The following PCDH15 variants were observed in gnomAD, a reference collection of about 807,000 sequenced individuals.
PCDH15 encodes protocadherin-15.
A neutral mutation model predicts 178.5 loss-of-function variants in PCDH15; 129 were observed. That is an observed-to-expected ratio of 0.72 (90% CI 0.63 to 0.84). The LOEUF is 0.84. Ranked by LOEUF, PCDH15 falls within the 40% of genes least tolerant of loss-of-function variation. The pLI is 0.00. For synonymous variants in PCDH15, 800 were observed against 732.0 expected, an observed-to-expected ratio of 1.09 and a Z score of -1.50; for missense variants, 2,230 against 2,099.9, an observed-to-expected ratio of 1.06 and a Z score of -1.21.
intron 27 of PCDH15, among the ~76,000 whole-genome samples, chr10:53,858,210 T>G (rs1309740188): frequency 6.6e-6 from 1 of 152,086 alleles, no homozygotes; most frequent in East Asian, 1.9e-4. Context: ...AATTGAACAC[T>G]CTGAGTTAGG....
At chr10:54,413,530 T>A (rs1470672747) in intron 3 of PCDH15, among the ~76,000 whole-genome samples, 1 of 152,150 alleles carries the variant, frequency 6.6e-6, no homozygotes, top group Non-Finnish European at 1.5e-5. Context: ...CAAGTATAAA[T>A]ATGATAAAAA....
intron 8 of PCDH15, among the ~76,000 whole-genome samples, chr10:54,244,917 T>G (rs1232337022): frequency 6.6e-6 from 1 of 152,218 alleles, no homozygotes; most frequent in Non-Finnish European, 1.5e-5. Flanking sequence ...ATAATTTTAG[T>G]CTCATTAAAT....
At chr10:55,525,662 C>G (rs1463345717) in intron 2 of PCDH15, among the ~76,000 whole-genome samples, 1 of 151,858 alleles carries the variant, frequency 6.6e-6, no homozygotes, top group Non-Finnish European at 1.5e-5. Context: ...TCTAAACTTC[C>G]AAAACCCAAA....
At chr10:55,421,927 A>C (rs1838631277) in intron 2 of PCDH15, among the ~76,000 whole-genome samples, 1 of 151,774 alleles carries the variant, frequency 6.6e-6, no homozygotes, top group Non-Finnish European at 1.5e-5. Context: ...CTATTAGCCC[A>C]GTCAATTAGC....
At chr10:55,541,464 C>T (rs544147148) in intron 2 of PCDH15, among the ~76,000 whole-genome samples, 4 of 152,026 alleles carry the variant, frequency 2.6e-5, no homozygotes, top group African/African-American at 9.6e-5. Flanking sequence ...TAAGCATTCA[C>T]TAAGATATCT....
chr10:53,819,589 T>TAACAATA (rs1383381303), intron 33 of PCDH15, among the ~76,000 whole-genome samples: 1 of 152,044 alleles, frequency 6.6e-6, no homozygotes, highest in Non-Finnish European at 1.5e-5. Context: ...TGTTTACTTT[T>TAACAATA]AACAATAAGG....
At chr10:55,445,868 G>C (rs1262982540) in intron 2 of PCDH15, among the ~76,000 whole-genome samples, 1 of 151,960 alleles carries the variant, frequency 6.6e-6, no homozygotes, top group Non-Finnish European at 1.5e-5. Flanking sequence ...CTTAAGAAAA[G>C]ACTCAAATAA....
At chr10:54,386,986 G>A (rs1365649645) in intron 3 of PCDH15, among the ~76,000 whole-genome samples, 4 of 152,114 alleles carry the variant, frequency 2.6e-5, no homozygotes, top group Admixed American at 1.3e-4. Flanking sequence ...ATTGCTAAGA[G>A]AGTAGATTTT....
chr10:54,545,070 T>A (rs767949807), intron 2 of PCDH15, among the ~76,000 whole-genome samples: 2 of 152,012 alleles, frequency 1.3e-5, no homozygotes, highest in Non-Finnish European at 2.9e-5. Context: ...AGCCCCAGAA[T>A]GGATTAGAAA....
chr10:53,848,794 A>G (rs2078146904), intron 28 of PCDH15, among the ~76,000 whole-genome samples: 1 of 152,024 alleles, frequency 6.6e-6, no homozygotes, highest in Non-Finnish European at 1.5e-5. Flanking sequence ...GCATTAATTA[A>G]TTTTATTTCT....
intron 16 of PCDH15, among the ~76,000 whole-genome samples, chr10:54,085,234 A>G (rs138249035): frequency 5.0e-4 from 76 of 152,242 alleles, no homozygotes; most frequent in African/African-American, 1.8e-3. Context: ...ATTACATGTA[A>G]TGTCAAAACA....
chr10:54,376,763 A>C (rs1221329731), intron 4 of PCDH15, among the ~76,000 whole-genome samples: 2 of 151,982 alleles, frequency 1.3e-5, no homozygotes, highest in Admixed American at 1.3e-4. Context: ...GTATGGAAGC[A>C]TATAGGGACA....
chr10:54,386,223 G>T (rs1228505160), intron 3 of PCDH15, among the ~76,000 whole-genome samples: 1 of 149,620 alleles, frequency 6.7e-6, no homozygotes, highest in African/African-American at 2.5e-5. Context: ...GGCCACACAG[G>T]TAATACACTA....
At chr10:54,325,825 C>A (rs1415573127) in intron 7 of PCDH15, among the ~76,000 whole-genome samples, 1 of 152,048 alleles carries the variant, frequency 6.6e-6, no homozygotes, top group Admixed American at 6.6e-5. Flanking sequence ...ATGAGAATCA[C>A]TTAAACCCCG....
chr10:54,521,300 A>T (rs1189401327), intron 3 of PCDH15, among the ~76,000 whole-genome samples: 1 of 152,186 alleles, frequency 6.6e-6, no homozygotes, highest in Non-Finnish European at 1.5e-5. Context: ...AAGATCCCTC[A>T]TATCTCTAAA....
At chr10:55,173,623 T>C (rs1839401928) in intron 1 of PCDH15, among the ~76,000 whole-genome samples, 1 of 152,130 alleles carries the variant, frequency 6.6e-6, no homozygotes, top group African/African-American at 2.4e-5. Context: ...ATTGTATAAC[T>C]TTTTAGCATA....
intron 1 of PCDH15, among the ~76,000 whole-genome samples, chr10:55,179,168 G>A (rs1326923772): frequency 2.6e-5 from 4 of 151,940 alleles, no homozygotes; most frequent in Non-Finnish European, 5.9e-5. Flanking sequence ...CTTTTTACTG[G>A]GGACCCTTAG....
intron 15 of PCDH15, among the ~76,000 whole-genome samples, chr10:54,104,847 A>AC (rs2094882070): frequency 7.7e-5 from 1 of 12,926 alleles, no homozygotes; most frequent in South Asian, 6.7e-3. Context: ...AACAACAACA[A>AC]AAAAAAAAAA....
chr10:54,805,925 C>T (rs1389841755), upstream of PCDH15, among the ~76,000 whole-genome samples: 1 of 152,020 alleles, frequency 6.6e-6, no homozygotes, highest in African/African-American at 2.4e-5. Context: ...TATTTCTAAG[C>T]ATTTCTGTTG....
Sources: allele counts gnomAD v4.1 joint callset (sites outside exome capture counted in the v4.1 genomes callset), GRCh38; gene constraint gnomAD v4.1.1; transcripts MANE v1.5; gene names NCBI Gene and HGNC (gene_info 2026-07-23, HGNC 2026-07-21).